Variants in NBAS observed in about 807,000 individuals in gnomAD.
NBAS encodes the protein NAG/BC035112 fusion.
A neutral mutation model predicts 302.5 loss-of-function variants in NBAS; 219 were observed. The observed-to-expected ratio is 0.72, with a 90% CI of 0.65 to 0.81. NBAS has a LOEUF of 0.81. Ranked by LOEUF, NBAS falls within the 30% of genes least tolerant of loss-of-function variation. The pLI is 0.00. For missense variants in NBAS, 2,932 were observed against 2,841.6 expected (o/e 1.03, Z -0.72); for synonymous variants, 1,118 against 1,021.6 (o/e 1.09, Z -1.80).
the NBAS span, among the ~76,000 whole-genome samples, chr2:15,014,307 T>G: frequency 6.6e-6 from 1 of 152,138 alleles, no homozygotes; most frequent in African/African-American, 2.4e-5. Context: ...TAACAGACAT[T>G]TGCAGAATAT....
the NBAS span, among the ~76,000 whole-genome samples, chr2:14,985,429 G>T: frequency 3.9e-5 from 6 of 152,204 alleles, no homozygotes; most frequent in Non-Finnish European, 8.8e-5. Flanking sequence ...AACATATCCC[G>T]CAGCTGCGAA....
chr2:14,866,674 C>T, the NBAS span, among the ~76,000 whole-genome samples: 4 of 152,076 alleles, frequency 2.6e-5, no homozygotes, highest in African/African-American at 9.7e-5. Flanking sequence ...CTGATTAAAA[C>T]ATAATGGTCA....
chr2:15,374,819 C>G, intron 30 of NBAS, 99 bp from the exon 31 acceptor site: 1 of 1,027,850 alleles, frequency 9.7e-7, no homozygotes, highest in Non-Finnish European at 1.5e-6. Context: ...AAAAATCTAC[C>G]ACATCCCAGG....
chr2:15,408,923 G>C (rs1009217952), intron 25 of NBAS, among the ~76,000 whole-genome samples: 1 of 152,122 alleles, frequency 6.6e-6, no homozygotes, highest in Admixed American at 6.6e-5. Context: ...TGTATTGCTA[G>C]TGCTTTGGGA....
At chr2:15,379,972 C>A in intron 29 of NBAS, 141 bp from the exon 30 acceptor site, 1 of 699,542 alleles carries the variant, frequency 1.4e-6, no homozygotes, top group Non-Finnish European at 2.4e-6. Flanking sequence ...TGTAAATGTA[C>A]TAAATGACAA....
the NBAS span, among the ~76,000 whole-genome samples, chr2:14,879,623 A>G: frequency 6.6e-6 from 1 of 152,236 alleles, no homozygotes; most frequent in Non-Finnish European, 1.5e-5. Context: ...CAGTTCTTAC[A>G]AGATAATAAC....
the NBAS span, among the ~76,000 whole-genome samples, chr2:15,082,811 T>G: frequency 6.6e-6 from 1 of 152,234 alleles, no homozygotes; most frequent in Non-Finnish European, 1.5e-5. Context: ...GTATCTGTGT[T>G]GGGAGCCATG....
intron 35 of NBAS, among the ~76,000 whole-genome samples, 190 bp from the exon 36 acceptor site, chr2:15,330,955 A>T (rs1672315188): frequency 6.6e-6 from 1 of 152,184 alleles, no homozygotes; most frequent in Non-Finnish European, 1.5e-5. Context: ...TTCCTCTCTC[A>T]ATCATTTGCC....
chr2:14,925,761 C>T, the NBAS span, among the ~76,000 whole-genome samples: 2 of 152,140 alleles, frequency 1.3e-5, no homozygotes, highest in Admixed American at 6.6e-5. Context: ...ATGTTTTTGT[C>T]TTTGTAACTA....
At chr2:14,893,502 T>A in the NBAS span, among the ~76,000 whole-genome samples, 2 of 152,224 alleles carry the variant, frequency 1.3e-5, no homozygotes, top group Admixed American at 6.5e-5. Context: ...TCCTTTGAAG[T>A]CACTCTTAAC....
chr2:15,411,619 G>A (rs1676689903), intron 25 of NBAS, among the ~76,000 whole-genome samples: 1 of 152,156 alleles, frequency 6.6e-6, no homozygotes, highest in South Asian at 2.1e-4. Context: ...ACTGACATAT[G>A]TAATCAGAAG....
chr2:15,539,154 T>C lies in NBAS; in HGVS notation c.513+69A>G, dbSNP rs549236365. The C allele has an allele frequency of 2.0e-5, 32 of 1,596,384 alleles. No individual in the cohort carries two copies. The East Asian group carries it at 5.1e-4, about 26-fold the overall frequency. On this transcript the variant is annotated intron_variant, in intron 7 of 51. Coordinates refer to ENST00000281513, the MANE Select transcript of NBAS (RefSeq NM_015909.4). ...TTGTATTATCCCCCCCTTCACACTC[T>C]TTTATTCAAGTACCTATACATACAT...
At chr2:15,401,330 C>T (rs1009430278) in intron 26 of NBAS, among the ~76,000 whole-genome samples, 1 of 151,686 alleles carries the variant, frequency 6.6e-6, no homozygotes, top group Non-Finnish European at 1.5e-5. Context: ...TGAGCCCCCC[C>T]TCCCAAAATA....
chr2:15,168,086 T>A (rs1240460131), intron 51 of NBAS, among the ~76,000 whole-genome samples: 1 of 152,240 alleles, frequency 6.6e-6, no homozygotes, highest in Non-Finnish European at 1.5e-5. Context: ...TTATTTTCAA[T>A]ATTTTTTTAA....
chr2:15,032,781 A>C, the NBAS span, among the ~76,000 whole-genome samples: 122,537 of 152,162 alleles, frequency 0.81, 49,894 homozygotes, highest in East Asian at 1. Flanking sequence ...TCCAACTGAA[A>C]GGAAGGATCT....
At chr2:14,924,222 CT>C in the NBAS span, among the ~76,000 whole-genome samples, 1 of 152,072 alleles carries the variant, frequency 6.6e-6, no homozygotes, top group South Asian at 2.1e-4. Context: ...GGGGTCTTCT[CT>C]GGAACTTTCA....
intron 38 of NBAS, among the ~76,000 whole-genome samples, chr2:15,318,826 A>G (rs574898506): frequency 8.5e-5 from 13 of 152,342 alleles, no homozygotes; most frequent in Non-Finnish European, 1.3e-4. Context: ...CACTGTCAAT[A>G]TTAGACAGAT....
the NBAS span, among the ~76,000 whole-genome samples, chr2:14,987,186 A>G: frequency 3.9e-5 from 6 of 152,110 alleles, no homozygotes; most frequent in South Asian, 2.1e-4. Context: ...ATATGTTACC[A>G]AGAAGGAATA....
chr2:15,394,444 TA>T (rs901861905), intron 27 of NBAS, 95 bp from the exon 28 acceptor site: 952 of 1,322,516 alleles, frequency 7.2e-4, no homozygotes, highest in Non-Finnish European at 7.9e-4. Context: ...TGTTTAGTAT[TA>T]AAAAAAAATT....
Sources: gnomAD v4.1 joint callset for allele counts (sites outside exome capture counted in the v4.1 genomes callset) on GRCh38, gnomAD v4.1.1 for gene constraint, MANE v1.5 for transcripts, NCBI Gene and HGNC (gene_info 2026-07-23, HGNC 2026-07-21) for gene names.